Variants in TMC2 observed in about 807,000 individuals in gnomAD.
TMC2 encodes the protein transmembrane channel-like protein 2.
Under a neutral mutation model 105.9 loss-of-function variants are expected in TMC2, and 102 were observed. The observed-to-expected ratio is 0.96, with a 90% CI of 0.82 to 1.14. The LOEUF is 1.14. Ranked by LOEUF, TMC2 falls within the 50% of genes most tolerant of loss-of-function variation. TMC2 has a pLI of 0.00. For synonymous variants in TMC2, 402 were observed against 422.8 expected, an observed-to-expected ratio of 0.95 and a Z score of 0.60; for missense variants, 1,093 against 1,134.3, an observed-to-expected ratio of 0.96 and a Z score of 0.52.
At chr20:2,594,749 T>C (rs910338766) in intron 8 of TMC2, 76 bp from the exon 9 acceptor site, 2 of 1,476,636 alleles carry the variant, frequency 1.4e-6, no homozygotes, top group African/African-American at 2.8e-5. Context: ...AAGAAATCCC[T>C]GGTAGAGTAG....
intron 9 of TMC2, among the ~76,000 whole-genome samples, chr20:2,596,209 G>A (rs1258789914): frequency 6.6e-6 from 1 of 152,214 alleles, no homozygotes; most frequent in Non-Finnish European, 1.5e-5. Flanking sequence ...ACTCTAGGGA[G>A]CATAGGTTGA....
At chr20:2,595,827 C>T (rs1022889651) in intron 9 of TMC2, among the ~76,000 whole-genome samples, 6 of 152,086 alleles carry the variant, frequency 3.9e-5, no homozygotes, top group Non-Finnish European at 2.9e-5. Context: ...GGGTACAGCC[C>T]CTGAAAGGGC....
Position 2,577,786 on chromosome 20 carries a change from T to C in TMC2, c.646-1360T>C, listed in dbSNP as rs372591859. ...AAAATTAGCCGAATGTGGTGGCTAC[T>C]CAGGAGGCTGAGGCAGGAAGATCAC... On this transcript the variant is annotated intron_variant, in intron 5 of 19. Coordinates refer to ENST00000358864, the MANE Select transcript of TMC2 (RefSeq NM_080751.3). Among the ~76,000 whole-genome samples, 4 of 152,148 alleles carry C rather than the reference T, an allele frequency of 2.6e-5. No homozygotes were observed. The East Asian group carries it at 5.8e-4, about 22-fold the overall frequency.
chr20:2,545,845 GAAAGAAAGAGAAAGAAAGAAAA>G (rs2085921659), intron 2 of TMC2, among the ~76,000 whole-genome samples: 2 of 115,358 alleles, frequency 1.7e-5, no homozygotes, highest in South Asian at 2.8e-4. Context: ...AAGAAAGAAA[GAAAGAAAGAGAAAGAAAGAAAA>G]AGAAAGAAAG....
At chr20:2,584,879 C>T (rs1171605053) in intron 7 of TMC2, among the ~76,000 whole-genome samples, 1 of 151,840 alleles carries the variant, frequency 6.6e-6, no homozygotes, top group Non-Finnish European at 1.5e-5. Flanking sequence ...TGACTTTTGA[C>T]AAATGTATGA....
Position 2,613,253 on chromosome 20 carries a change from G to T in TMC2, c.1803G>T (p.Gly601=). ...TAACGTACATCACCATCCTGCTGGG[G>T]GACTTCCTACGGGCTTGTTTTGTGC... ...MLVTYITILL[G]DFLRACFVRF... The change falls in exon 14 of 20, where the codon GGG becomes GGT. Residue 601 remains glycine, a synonymous_variant. Coordinates refer to ENST00000358864, the MANE Select transcript of TMC2 (RefSeq NM_080751.3). The T allele has an allele frequency of 1.2e-6, 2 of 1,614,050 alleles. No individual in the cohort carries two copies. The highest frequency in any genetic ancestry group is 2.2e-5 in the South Asian group (2 of 91,060).
At chr20:2,549,802 G>A (rs73575098) in intron 2 of TMC2, among the ~76,000 whole-genome samples, 3 of 152,130 alleles carry the variant, frequency 2.0e-5, no homozygotes, top group East Asian at 3.9e-4. Flanking sequence ...TTTCCTCAGA[G>A]CATCTCATTC....
At chr20:2,569,303 T>G (rs1247418671) in intron 4 of TMC2, among the ~76,000 whole-genome samples, 2 of 152,228 alleles carry the variant, frequency 1.3e-5, no homozygotes, top group African/African-American at 4.8e-5. Flanking sequence ...ATAGACAAAT[T>G]GATTCATTTG....
chr20:2,542,678 T>G (rs4815300), intron 2 of TMC2, among the ~76,000 whole-genome samples: 43 of 149,874 alleles, frequency 2.9e-4, no homozygotes, highest in African/African-American at 1.0e-3. Flanking sequence ...ATTTTTACAG[T>G]CTTTTCTCTT....
In TMC2 at chr20:2,602,189, A is replaced by G. The variant is rs2086356452; in HGVS notation, c.1301A>G (p.Asn434Ser). 1.2e-6 allele frequency: 2 copies of G among 1,613,784 alleles called. No homozygotes were observed. The highest frequency in any genetic ancestry group is 1.7e-6 in the Non-Finnish European group (2 of 1,179,876). ...ACAAGATTTCTTCGTGTCCTGGCCA[A>G]CTTTCTCATCATCTGCTGTTTGTGT... ...HLTRFLRVLA[N>S]FLIICCLCGS... The change falls in exon 11 of 20, where the codon AAC becomes AGC. Residue 434 changes from asparagine (N) to serine (S), a missense_variant. Transcript: ENST00000358864.
chr20:2,635,424 T>C (rs942240962), intron 17 of TMC2, among the ~76,000 whole-genome samples: 5 of 152,188 alleles, frequency 3.3e-5, no homozygotes, highest in African/African-American at 4.8e-5. Flanking sequence ...AGAGTACTCA[T>C]GGGTGGGATG....
intron 4 of TMC2, among the ~76,000 whole-genome samples, chr20:2,569,822 T>C (rs934442180): frequency 1.3e-5 from 2 of 152,186 alleles, no homozygotes; most frequent in African/African-American, 2.4e-5. Flanking sequence ...AGCTCACTGA[T>C]TGTTGGCTGA....
In TMC2 at chr20:2,616,797, G is replaced by A. The variant is rs991475429; in HGVS notation, c.1941-275G>A. On this transcript the variant is annotated intron_variant, in intron 15 of 19. Coordinates refer to ENST00000358864, the MANE Select transcript of TMC2 (RefSeq NM_080751.3). The surrounding 1 kb of genome is among the most constrained non-coding windows in gnomAD (Gnocchi z 4.8). Reference sequence around the variant, plus strand: ...ACCGAGGAGAAACAGGCAGGAGACCGTATAATTTGCTAGATGCCTGGGGGC... The same window carrying A: ...ACCGAGGAGAAACAGGCAGGAGACCATATAATTTGCTAGATGCCTGGGGGC... 3.9e-5 allele frequency among the ~76,000 whole-genome samples: 6 copies of A among 152,224 alleles called. No homozygotes were observed. The highest frequency in any genetic ancestry group is 7.2e-5 in the African/African-American group (3 of 41,460).
chr20:2,612,039 G>A, intron 12 of TMC2, 152 bp from the exon 13 acceptor site: 2 of 660,886 alleles, frequency 3.0e-6, no homozygotes, highest in Non-Finnish European at 4.8e-6. Flanking sequence ...CATATTGAAA[G>A]CCTGAGAAGG....
chr20:2,606,470 G>C lies in TMC2; in HGVS notation c.1414-3949G>C, dbSNP rs377720128. 9.5e-4 allele frequency among the ~76,000 whole-genome samples: 145 copies of C among 152,250 alleles called. 8 individuals are homozygous for C. The South Asian group carries it at 0.03, about 31-fold the overall frequency. On this transcript the variant is annotated intron_variant, in intron 11 of 19. Coordinates refer to ENST00000358864, the MANE Select transcript of TMC2 (RefSeq NM_080751.3). Reference sequence around the variant, plus strand: ...AGACAGGGTTTCACCCTGTTGGCCAGGCTGGTCTCAAACTCCTGACCTCAA... The same window carrying C: ...AGACAGGGTTTCACCCTGTTGGCCACGCTGGTCTCAAACTCCTGACCTCAA...
chr20:2,547,986 C>T (rs1022999252), intron 2 of TMC2, among the ~76,000 whole-genome samples: 48 of 152,272 alleles, frequency 3.2e-4, no homozygotes, highest in Admixed American at 2.1e-3. Flanking sequence ...AACAAAAACA[C>T]GTTTTATTAC....
intron 2 of TMC2, 75 bp downstream of exon 2, chr20:2,537,391 A>G (rs2085857291): frequency 8.3e-7 from 1 of 1,200,610 alleles, no homozygotes; most frequent in Non-Finnish European, 1.2e-6. Context: ...CAGTCCAGCC[A>G]CCCATCCAAC....
At chr20:2,617,670 T>C (rs2086494822) in intron 16 of TMC2, 1 of 242,510 alleles carries the variant, frequency 4.1e-6, no homozygotes, top group Admixed American at 5.1e-5. Flanking sequence ...CAATATATAA[T>C]GATCAAATCA....
chr20:2,604,690 G>T (rs1229552195), intron 11 of TMC2, among the ~76,000 whole-genome samples: 1 of 152,094 alleles, frequency 6.6e-6, no homozygotes, highest in Non-Finnish European at 1.5e-5. Flanking sequence ...GGAACTTTCA[G>T]CCGTATCCCG....
Sources: gnomAD v4.1 joint callset for allele counts (sites outside exome capture counted in the v4.1 genomes callset) on GRCh38, gnomAD v4.1.1 for gene constraint, Gnocchi (gnomAD v3.1) non-coding constraint, MANE v1.5 for transcripts, NCBI Gene and HGNC (gene_info 2026-07-23, HGNC 2026-07-21) for gene names.